NGLY1: variants seen among roughly 807,000 people sequenced by gnomAD.
NGLY1 encodes N-glycanase 1.
NGLY1 carries 68 observed loss-of-function variants against 84.6 expected under a neutral mutation model. The ratio of observed to expected loss-of-function variants is 0.80; its 90% CI spans 0.66 to 0.98. The LOEUF is 0.98. NGLY1 is among the 50% of genes least tolerant of loss of function. The probability of loss-of-function intolerance (pLI) is 0.00; values close to 1 mark genes in which losing one functional copy is unlikely to be tolerated. For missense variants in NGLY1, 779 were observed against 770.2 expected (o/e 1.01, Z -0.14); for synonymous variants, 280 against 275.2 (o/e 1.02, Z -0.17).
intron 6 of NGLY1, 110 bp downstream of exon 6, chr3:25,737,224 G>T: frequency 1.2e-6 from 1 of 856,736 alleles, no homozygotes; most frequent in Non-Finnish European, 1.7e-6. Context: ...CAAATGGAAG[G>T]TCAGACTGAC....
chr3:25,734,900 A>C, intron 7 of NGLY1: 1 of 835,398 alleles, frequency 1.2e-6, no homozygotes, highest in East Asian at 1.2e-4. Flanking sequence ...ACAAATAAAA[A>C]TTTTATCCAT....
intron 3 of NGLY1, among the ~76,000 whole-genome samples, chr3:25,761,013 T>A (rs889275648): frequency 6.6e-6 from 1 of 152,222 alleles, no homozygotes; most frequent in South Asian, 2.1e-4. Context: ...TTCGTTTTAT[T>A]ATTTATCATT....
At chr3:25,723,419 C>T (rs1387499591) in intron 10 of NGLY1, among the ~76,000 whole-genome samples, 1 of 152,124 alleles carries the variant, frequency 6.6e-6, no homozygotes, top group Non-Finnish European at 1.5e-5. Context: ...ATAAAACACC[C>T]TATTTATACA....
intron 1 of NGLY1, among the ~76,000 whole-genome samples, chr3:25,779,077 A>T (rs1708290334): frequency 6.6e-6 from 1 of 151,762 alleles, no homozygotes; most frequent in African/African-American, 2.4e-5. Flanking sequence ...CTAGGATTAC[A>T]GGGGTGCACC....
chr3:25,757,919 C>G (rs1229912717), intron 3 of NGLY1, among the ~76,000 whole-genome samples: 35 of 152,208 alleles, frequency 2.3e-4, no homozygotes, highest in Admixed American at 2.3e-3. Context: ...AACAGTGGCA[C>G]CCGCACTCCT....
At chr3:25,750,984 GT>G (rs1234915474) in intron 4 of NGLY1, 113 bp downstream of exon 4, 3 of 1,007,826 alleles carry the variant, frequency 3.0e-6, no homozygotes, top group Non-Finnish European at 2.8e-6. Context: ...CCACATATAA[GT>G]GGACCCATGC....
chr3:25,765,892 T>C (rs780591311), intron 2 of NGLY1, among the ~76,000 whole-genome samples: 5 of 151,978 alleles, frequency 3.3e-5, no homozygotes, highest in Non-Finnish European at 5.9e-5. Context: ...CCACCACACC[T>C]GGATGATTTT....
chr3:25,764,262 T>G lies in NGLY1; in HGVS notation c.296A>C (p.Gln99Pro). Residue 99 changes from glutamine to proline, a missense_variant, in exon 3 of 12, where the codon CAA (glutamine) becomes CCA (proline). Gln to Pro is a moderately conservative substitution (Grantham distance 76, BLOSUM62 -1). Transcript: ENST00000280700. ...TATGGCAATCAGGTCACGAATTTTT[T>G]GCAGCTGCTCCACTGAAGCTTTTTT... Reference protein sequence around the residue: ...FPKKASVEQLQKIRDLIAIER... With the variant: ...FPKKASVEQLPKIRDLIAIER... The G allele has an allele frequency of 6.2e-7, 1 of 1,614,198 alleles. No homozygotes were observed.
At chr3:25,749,956 AAAAAG>A (rs1011983823) in intron 4 of NGLY1, 2 of 632,422 alleles carry the variant, frequency 3.2e-6, no homozygotes, top group African/African-American at 1.8e-5. Context: ...AAAAAAAAAA[AAAAAG>A]AAGGAAATTC....
intron 3 of NGLY1, among the ~76,000 whole-genome samples, chr3:25,760,675 C>T (rs190546166): frequency 1.3e-3 from 195 of 152,122 alleles, no homozygotes; most frequent in African/African-American, 4.4e-3. Flanking sequence ...GCCTGACCAA[C>T]ATGGAGAAAC....
intron 9 of NGLY1, among the ~76,000 whole-genome samples, chr3:25,731,100 T>G (rs908026231): frequency 6.6e-6 from 1 of 152,048 alleles, no homozygotes. Context: ...TATCTTAAAA[T>G]AAATTTTAAT....
At chr3:25,740,945 G>A (rs1031145463) in intron 4 of NGLY1, among the ~76,000 whole-genome samples, 1 of 152,006 alleles carries the variant, frequency 6.6e-6, no homozygotes, top group East Asian at 1.9e-4. Context: ...TGGCCAACAT[G>A]GTGAAACTTC....
chr3:25,766,901 C>T (rs1163551609), intron 2 of NGLY1, among the ~76,000 whole-genome samples: 1 of 152,082 alleles, frequency 6.6e-6, no homozygotes, highest in Non-Finnish European at 1.5e-5. Flanking sequence ...ATAATTATGG[C>T]CAAAGTGTCT....
chr3:25,779,528 T>C (rs1479689032), intron 1 of NGLY1, among the ~76,000 whole-genome samples: 3 of 152,166 alleles, frequency 2.0e-5, no homozygotes. Context: ...CTTCTTTAAG[T>C]ACTATGTTAA....
Position 25,719,511 on chromosome 3 carries a change from A to T in NGLY1, c.1914T>A (p.Asn638Lys), listed in dbSNP as rs766341686. 1 of 1,614,008 alleles carries T rather than the reference A, an allele frequency of 6.2e-7. No homozygotes were observed. Among genetic ancestry groups the T allele is most frequent in the South Asian group, 1.1e-5 (1 of 91,080 alleles). Residue 638 changes from asparagine (N) to lysine (K), a missense_variant, in exon 12 of 12, where the codon AAT becomes AAA. Coordinates refer to ENST00000280700, the MANE Select transcript of NGLY1 (RefSeq NM_018297.4). ...TCTCCAAACAATTTTCTTCATGGTC[A>T]TTTAAGCTTTGTCTAAACAGCTGGG... Reference protein sequence around the residue: ...QHTQLFRQSLNDHEENCLEII... With the variant: ...QHTQLFRQSLKDHEENCLEII...
intron 4 of NGLY1, among the ~76,000 whole-genome samples, chr3:25,748,672 T>G (rs4417832): frequency 1.3e-5 from 2 of 151,990 alleles, no homozygotes; most frequent in South Asian, 2.1e-4. Flanking sequence ...ACAAAGACAG[T>G]TGACTCCAAA....
Position 25,783,391 on chromosome 3 carries a change from G to A in NGLY1, c.-1C>T, listed in dbSNP as rs889952056. ...AGCTGCCCAATGCCGCCGCCGCCAT[G>A]CTTGAGCGCCAGCGGGCGCCGCCGC... On this transcript the variant is annotated 5_prime_UTR_variant, in exon 1 of 12. Coordinates refer to ENST00000280700, the MANE Select transcript of NGLY1 (RefSeq NM_018297.4). This position sits in a 1 kb window ranked among gnomAD's most constrained non-coding sequence, Gnocchi z 4.5. 1 of 1,533,022 alleles carries A rather than the reference G, an allele frequency of 6.5e-7. No homozygotes were observed. The highest frequency in any genetic ancestry group is 2.6e-5 in the East Asian group (1 of 38,236). 95.0% of individuals were successfully genotyped at this position (1,533,022 alleles called of 1,614,324 possible). A position where few individuals can be genotyped will look rare whatever the true frequency, so the allele number is the denominator to read the frequency against.
intron 10 of NGLY1, among the ~76,000 whole-genome samples, chr3:25,724,415 A>C (rs1269911605): frequency 6.6e-6 from 1 of 152,182 alleles, no homozygotes; most frequent in East Asian, 1.9e-4. Context: ...ATTCCATTTT[A>C]TGTTGAAAAT....
At chr3:25,722,287 A>ATATATC (rs1705040156) in intron 10 of NGLY1, among the ~76,000 whole-genome samples, 1 of 151,518 alleles carries the variant, frequency 6.6e-6, no homozygotes, top group Admixed American at 6.6e-5. Context: ...ATATATATAT[A>ATATATC]TATATTCATG....
Sources: allele counts gnomAD v4.1 joint callset (sites outside exome capture counted in the v4.1 genomes callset), GRCh38; gene constraint gnomAD v4.1.1; non-coding constraint Gnocchi (gnomAD v3.1); transcripts MANE v1.5; gene names NCBI Gene and HGNC (gene_info 2026-07-23, HGNC 2026-07-21).